ANK2: variants seen among roughly 807,000 people sequenced by gnomAD.
The protein encoded by ANK2 is ankyrin-2.
In ANK2, 83 loss-of-function variants were observed where a neutral mutation model predicts 360.5. The ratio of observed to expected loss-of-function variants is 0.23; its 90% confidence interval spans 0.19 to 0.28. The LOEUF is 0.28. Ranked by LOEUF, ANK2 falls within the 10% of genes least tolerant of loss-of-function variation. The probability of loss-of-function intolerance (pLI) is 1.00; values close to 1 mark genes in which losing one functional copy is unlikely to be tolerated. For synonymous variants in ANK2, 1,740 were observed against 1,759.5 expected (o/e 0.99, Z 0.28); for missense variants, 4,201 against 4,795.7 (o/e 0.88, Z 3.66).
intron 2 of ANK2, among the ~76,000 whole-genome samples, chr4:113,185,033 A>G (rs1044202322): frequency 6.6e-6 from 1 of 151,956 alleles, no homozygotes; most frequent in African/African-American, 2.4e-5. Flanking sequence ...AAGGACATGA[A>G]CTCATCCTTT....
At chr4:112,943,081 C>T (rs914427312) in intron 2 of ANK2, among the ~76,000 whole-genome samples, 2 of 151,968 alleles carry the variant, frequency 1.3e-5, no homozygotes, top group Non-Finnish European at 2.9e-5. Context: ...TTTTGCAGCC[C>T]TTAATCTTTC....
chr4:113,162,411 T>TTA (rs1337289309), intron 1 of ANK2, among the ~76,000 whole-genome samples: 3 of 152,154 alleles, frequency 2.0e-5, no homozygotes, highest in African/African-American at 7.2e-5. Context: ...TACTTTACTT[T>TTA]TAGAGTTTTA....
intron 2 of ANK2, among the ~76,000 whole-genome samples, chr4:112,996,042 T>C (rs1187238153): frequency 2.6e-5 from 4 of 152,222 alleles, no homozygotes; most frequent in Non-Finnish European, 5.9e-5. Flanking sequence ...ATAGCAACTT[T>C]ATTTATAATA....
intron 17 of ANK2, among the ~76,000 whole-genome samples, chr4:113,279,794 A>T (rs1399323106): frequency 6.6e-6 from 1 of 151,414 alleles, no homozygotes; most frequent in Non-Finnish European, 1.5e-5. Flanking sequence ...TAAACAGTTT[A>T]TAATAAAGTA....
Position 112,931,476 on chromosome 4 carries a change from G to A in ANK2, c.21+26962G>A, listed in dbSNP as rs534129825. The stretch of plus-strand genomic sequence containing the variant: ...TTTTTTGGGACAGAGTCTCACTTTC[G>A]CCGAGGCTGGAGTGCAGTGGTGTGA... On this transcript the variant is annotated intron_variant, in intron 2 of 30. Transcript: ENST00000503271. 1.2e-3 allele frequency among the ~76,000 whole-genome samples: 144 copies of A among 116,232 alleles called. 1 individual carries two copies. The highest frequency in any genetic ancestry group is 1.6e-3 in the Non-Finnish European group (100 of 61,462). 76.3% of individuals were successfully genotyped at this position (116,232 alleles called of 152,430 possible). A position where few individuals can be genotyped will look rare whatever the true frequency, so the allele number is the denominator to read the frequency against.
At chr4:113,001,260 G>A (rs1417418623) in intron 2 of ANK2, among the ~76,000 whole-genome samples, 2 of 149,372 alleles carry the variant, frequency 1.3e-5, no homozygotes, top group Admixed American at 1.3e-4. Context: ...GAACCTGGGA[G>A]GCGGAGGTTG....
At chr4:113,112,277 A>G (rs1056650486) in intron 1 of ANK2, among the ~76,000 whole-genome samples, 2 of 152,044 alleles carry the variant, frequency 1.3e-5, no homozygotes, top group African/African-American at 4.8e-5. Context: ...AGTTCTAGTG[A>G]GGGGATTTTT....
intron 7 of ANK2, among the ~76,000 whole-genome samples, chr4:113,238,224 G>T (rs115679068): frequency 6.6e-6 from 1 of 152,162 alleles, no homozygotes; most frequent in Non-Finnish European, 1.5e-5. Flanking sequence ...AAGCCTCTCA[G>T]TATGGTGTGT....
At chr4:113,170,490 A>T (rs1221562333) in intron 1 of ANK2, among the ~76,000 whole-genome samples, 1 of 152,200 alleles carries the variant, frequency 6.6e-6, no homozygotes, top group Non-Finnish European at 1.5e-5. Context: ...ACATATACCG[A>T]AGTTATATGT....
intron 1 of ANK2, among the ~76,000 whole-genome samples, chr4:113,082,601 TC>T (rs2082861557): frequency 6.6e-6 from 1 of 152,222 alleles, no homozygotes; most frequent in Non-Finnish European, 1.5e-5. Context: ...AATTTTACCT[TC>T]CATTTTGTCA....
the ANK2 span, among the ~76,000 whole-genome samples, chr4:112,774,508 CAG>C: frequency 2.0e-5 from 3 of 152,154 alleles, no homozygotes; most frequent in South Asian, 2.1e-4. Flanking sequence ...GTCTGGGCGA[CAG>C]AGCGAGACTC....
At chr4:113,145,867 AGAT>A (rs1368793766) in intron 1 of ANK2, 46 of 1,289,632 alleles carry the variant, frequency 3.6e-5, no homozygotes, top group Non-Finnish European at 4.6e-5. Context: ...TGTAGAGCTG[AGAT>A]GGGGAATGCA....
chr4:112,879,191 A>G (rs142112359), intron 1 of ANK2, among the ~76,000 whole-genome samples: 1 of 152,288 alleles, frequency 6.6e-6, no homozygotes, highest in East Asian at 1.9e-4. Flanking sequence ...CATTATTCTC[A>G]TGTGAGTCCC....
chr4:112,887,058 G>A (rs2078624482), intron 1 of ANK2, among the ~76,000 whole-genome samples: 1 of 152,070 alleles, frequency 6.6e-6, no homozygotes, highest in African/African-American at 2.4e-5. Flanking sequence ...CCTCCAATAT[G>A]AAATAATTTA....
At chr4:112,708,173 T>C in the ANK2 span, among the ~76,000 whole-genome samples, 6 of 152,368 alleles carry the variant, frequency 3.9e-5, no homozygotes, top group Admixed American at 6.5e-5. Context: ...GTTGTTCTAC[T>C]AAGTGGTGAA....
chr4:113,349,647 C>A (rs1041323624), intron 36 of ANK2, among the ~76,000 whole-genome samples: 1 of 152,144 alleles, frequency 6.6e-6, no homozygotes, highest in African/African-American at 2.4e-5. Flanking sequence ...TACTCAGTGA[C>A]CCTACCACTA....
chr4:112,942,328 C>G (rs2094286600), intron 2 of ANK2, among the ~76,000 whole-genome samples: 1 of 152,110 alleles, frequency 6.6e-6, no homozygotes, highest in Admixed American at 6.5e-5. Flanking sequence ...GTGCCTAATG[C>G]TTTTCCTGTT....
At chr4:112,891,497 CA>C (rs758766301) in intron 1 of ANK2, among the ~76,000 whole-genome samples, 8 of 152,022 alleles carry the variant, frequency 5.3e-5, no homozygotes, top group Non-Finnish European at 1.2e-4. Flanking sequence ...TTATCCAAGG[CA>C]AACTAGAATC....
At chr4:113,300,208 G>T (rs560447796) in intron 22 of ANK2, among the ~76,000 whole-genome samples, 1 of 152,170 alleles carries the variant, frequency 6.6e-6, no homozygotes, top group Non-Finnish European at 1.5e-5. Flanking sequence ...CAGTGAATAA[G>T]ACTCTGAATA....
Sources: gnomAD v4.1 joint callset for allele counts (sites outside exome capture counted in the v4.1 genomes callset) on GRCh38, gnomAD v4.1.1 for gene constraint, MANE v1.5 for transcripts, NCBI Gene and HGNC (gene_info 2026-07-23, HGNC 2026-07-21) for gene names.